Variants in TCF20 observed in about 807,000 individuals in gnomAD.
TCF20 encodes transcription factor 20, also known as SPRE-binding protein.
Under a neutral mutation model 148.6 loss-of-function variants are expected in TCF20, and 3 were observed. That is an observed-to-expected ratio of 0.02 (90% CI 0.01 to 0.05). The LOEUF is 0.05. Ranked by LOEUF, TCF20 falls within the 10% of genes least tolerant of loss-of-function variation. The pLI is 1.00. For missense variants in TCF20, 2,350 were observed against 2,429.3 expected, an observed-to-expected ratio of 0.97 and a Z score of 0.69; for synonymous variants, 1,049 against 909.5, an observed-to-expected ratio of 1.15 and a Z score of -2.76.
At chr22:42,237,958 T>C (rs1924029481) in intron 1 of TCF20, among the ~76,000 whole-genome samples, 1 of 152,172 alleles carries the variant, frequency 6.6e-6, no homozygotes, top group South Asian at 2.1e-4. Context: ...CTAGAATTAT[T>C]AGAATGGTAA....
At chr22:42,186,086 ATG>A (rs1334657402) in intron 2 of TCF20, among the ~76,000 whole-genome samples, 1 of 152,252 alleles carries the variant, frequency 6.6e-6, no homozygotes, top group African/African-American at 2.4e-5. Context: ...TTAATCAATT[ATG>A]ATGTCAGTAT....
At chr22:42,322,877 C>T (rs1160699369) in intron 1 of TCF20, among the ~76,000 whole-genome samples, 1 of 148,776 alleles carries the variant, frequency 6.7e-6, no homozygotes, top group African/African-American at 2.4e-5. Context: ...ACTCACCTGG[C>T]TGTTTTCATT....
At chr22:42,313,286 G>A (rs1927568872) in intron 1 of TCF20, among the ~76,000 whole-genome samples, 1 of 152,214 alleles carries the variant, frequency 6.6e-6, no homozygotes. Flanking sequence ...CCCATAGCAT[G>A]GACAAGGCGA....
At chr22:42,265,060 T>C (rs1201525725) in intron 1 of TCF20, among the ~76,000 whole-genome samples, 2 of 152,242 alleles carry the variant, frequency 1.3e-5, no homozygotes, top group African/African-American at 2.4e-5. Flanking sequence ...AAGCCACGGA[T>C]ATACCAGCTA....
chr22:42,172,202 A>C (rs1936172253), intron 3 of TCF20, among the ~76,000 whole-genome samples: 1 of 152,228 alleles, frequency 6.6e-6, no homozygotes, highest in Non-Finnish European at 1.5e-5. Context: ...GCCGTCAGGA[A>C]GCACAATTCA....
chr22:42,246,516 A>G (rs1924917857), intron 1 of TCF20, among the ~76,000 whole-genome samples: 1 of 152,224 alleles, frequency 6.6e-6, no homozygotes, highest in African/African-American at 2.4e-5. Context: ...CACCAAAACT[A>G]AATACCATTG....
rs1569089442 is a variant in TCF20 at position 42,161,274 on chromosome 22, G to GGGGCA, written c.*124_*128dup. The GGGGCA allele has an allele frequency of 4.1e-5, 65 of 1,603,956 alleles. 1 individual carries two copies. In the South Asian group the frequency reaches 6.4e-4, roughly 16 times the overall value. ...GGCAGGCACGCGGGCGGGGCGGGGC[G>GGGGCA]GGGCAGGGCAGGGTGTGGCTGCACG... On this transcript the variant is annotated 3_prime_UTR_variant, in exon 6 of 6. Coordinates refer to ENST00000677622, the MANE Select transcript of TCF20 (RefSeq NM_001378418.1).
intron 2 of TCF20, among the ~76,000 whole-genome samples, chr22:42,191,945 T>C (rs1569124091): frequency 6.6e-6 from 1 of 152,182 alleles, no homozygotes; most frequent in Non-Finnish European, 1.5e-5. Flanking sequence ...ACTTACATAG[T>C]TTGAAACACT....
rs966966204 is a variant in TCF20 at position 42,214,602 on chromosome 22, T to C, written c.704A>G (p.Tyr235Cys). ...GGAGGAGGAGGAAGCAGAAGACTGATAGTGTTGGCCAAACTGACCCACTCT... is the reference window on the plus strand; with the variant it reads ...GGAGGAGGAGGAAGCAGAAGACTGACAGTGTTGGCCAAACTGACCCACTCT... ...QLRVGQFGQH[Y>C]QSSASSSSSS... is the part of the protein sequence containing the mutation. The change falls in exon 2 of 6, where the codon TAT becomes TGT. Residue 235 changes from tyrosine (Y) to cysteine (C), a missense_variant. By Grantham distance (194) the Tyr-to-Cys change is radical. Coordinates refer to ENST00000677622, the MANE Select transcript of TCF20 (RefSeq NM_001378418.1). The C allele has an allele frequency of 9.9e-6, 16 of 1,613,968 alleles. No homozygotes were observed. The highest frequency in any genetic ancestry group is 1.6e-4 in the Middle Eastern group (1 of 6,082).
In TCF20 at chr22:42,210,104, C is replaced by A. The variant is rs770369570; in HGVS notation, c.5202G>T (p.Pro1734=). 4 of 1,614,056 alleles carry A rather than the reference C, an allele frequency of 2.5e-6. No individual in the cohort carries two copies. The South Asian group carries it at 3.3e-5, about 13-fold the overall frequency. The part of the protein sequence containing the change: ...FYPQDYAATL[P]KNPPPKRATE... The stretch of plus-strand genomic sequence containing the variant: ...TGGCCCTCTTAGGAGGTGGATTCTT[C>A]GGGAGAGTGGCTGCATAATCTTGGG... The change falls in exon 2 of 6, where the codon CCG becomes CCT. Residue 1734 remains proline (P), a synonymous_variant. Coordinates refer to ENST00000677622, the MANE Select transcript of TCF20 (RefSeq NM_001378418.1). The surrounding 1 kb of genome is among the most constrained non-coding windows in gnomAD (Gnocchi z 4.7).
intron 1 of TCF20, among the ~76,000 whole-genome samples, chr22:42,339,433 T>C (rs1479373984): frequency 6.6e-6 from 1 of 152,086 alleles, no homozygotes; most frequent in Non-Finnish European, 1.5e-5. Flanking sequence ...CCCTGGCTTG[T>C]TGAAGGAAAG....
chr22:42,160,269 CCTAT>C lies in TCF20; in HGVS notation c.*1130_*1133del, dbSNP rs1270005238. The C allele has an allele frequency of 3.9e-5, 6 of 152,432 alleles. No homozygotes were observed. Among genetic ancestry groups the C allele is most frequent in the African/African-American group, 9.7e-5 (4 of 41,374 alleles). 9.4% of individuals were successfully genotyped at this position (152,432 alleles called of 1,614,324 possible). A position where few individuals can be genotyped will look rare whatever the true frequency, so the allele number is the denominator to read the frequency against. ...TAAAGAATCACGTAGCATGGGGCTG[CCTAT>C]CTGACAGGTCCTCTTTTCCTTTATA... On this transcript the variant is annotated 3_prime_UTR_variant, in exon 6 of 6. Transcript: ENST00000677622.
intron 1 of TCF20, among the ~76,000 whole-genome samples, chr22:42,329,787 C>T (rs1927937977): frequency 6.6e-6 from 1 of 152,114 alleles, no homozygotes; most frequent in Non-Finnish European, 1.5e-5. Flanking sequence ...CATTCCCTTG[C>T]CACTCCCCCC....
At chr22:42,257,190 T>C (rs757998632) in intron 1 of TCF20, among the ~76,000 whole-genome samples, 1 of 152,098 alleles carries the variant, frequency 6.6e-6, no homozygotes, top group Non-Finnish European at 1.5e-5. Context: ...CCAGGAGAAA[T>C]ACCCAGCATT....
Position 42,179,638 on chromosome 22 carries a change from C to T in TCF20, c.5720G>A (p.Arg1907Gln), listed in dbSNP as rs750408870. 10 of 1,613,972 alleles carry T rather than the reference C, an allele frequency of 6.2e-6. No individual in the cohort carries two copies. Among genetic ancestry groups the T allele is most frequent in the African/African-American group, 4.0e-5 (3 of 74,912 alleles). Residue 1907 changes from arginine (R) to glutamine (Q), a missense_variant, in exon 3 of 6, where the codon CGA becomes CAA. By Grantham distance (43) the Arg-to-Gln change is conservative (BLOSUM62 1). Coordinates refer to ENST00000677622, the MANE Select transcript of TCF20 (RefSeq NM_001378418.1). Reference protein sequence around the residue: ...LGCYNKGCSFRYHYPCAIDAD... With the variant: ...LGCYNKGCSFQYHYPCAIDAD... ...ATCAATGGCACACGGGTAATGGTAT[C>T]GGAAGGAGCAGCCTTTGTTGTAGCA...
intron 2 of TCF20, among the ~76,000 whole-genome samples, chr22:42,192,733 CAT>C (rs1420597521): frequency 1.3e-5 from 2 of 152,200 alleles, no homozygotes; most frequent in Non-Finnish European, 2.9e-5. Context: ...CAACATGAGA[CAT>C]AGTCTCACAT....
At chr22:42,165,832 G>T (rs961506860) in intron 5 of TCF20, among the ~76,000 whole-genome samples, 4 of 152,240 alleles carry the variant, frequency 2.6e-5, no homozygotes, top group Middle Eastern at 6.3e-3. Context: ...TTTTACAGAA[G>T]AAACCGAAGT....
At chr22:42,236,490 T>TC (rs1429582879) in intron 1 of TCF20, among the ~76,000 whole-genome samples, 1 of 151,954 alleles carries the variant, frequency 6.6e-6, no homozygotes, top group Non-Finnish European at 1.5e-5. Flanking sequence ...ACAGGACCAA[T>TC]CCCCACCCTC....
chr22:42,298,527 C>T (rs35661397), intron 1 of TCF20, among the ~76,000 whole-genome samples: 2,229 of 152,334 alleles, frequency 0.015, 23 homozygotes, highest in South Asian at 0.024. Flanking sequence ...TGCCCAGAAC[C>T]CCGAAGCAGA....
Sources: gnomAD v4.1 joint callset for allele counts (sites outside exome capture counted in the v4.1 genomes callset) on GRCh38, gnomAD v4.1.1 for gene constraint, Gnocchi (gnomAD v3.1) non-coding constraint, MANE v1.5 for transcripts, NCBI Gene and HGNC (gene_info 2026-07-23, HGNC 2026-07-21) for gene names.